STRN3: variants seen among roughly 807,000 people sequenced by gnomAD.
STRN3 encodes striatin 3.
STRN3 carries 29 observed loss-of-function variants against 95.6 expected under a neutral mutation model. The ratio of observed to expected loss-of-function variants is 0.30; its 90% CI spans 0.23 to 0.41. The LOEUF is 0.41. STRN3 is among the 10% of genes least tolerant of loss of function. The probability of loss-of-function intolerance (pLI) is 1.00; values close to 1 mark genes in which losing one functional copy is unlikely to be tolerated. For synonymous variants in STRN3, 331 were observed against 357.6 expected (o/e 0.93, Z 0.84); for missense variants, 890 against 972.1 (o/e 0.92, Z 1.12).
intron 1 of STRN3, among the ~76,000 whole-genome samples, chr14:30,984,755 C>T (rs1428715593): frequency 1.3e-5 from 2 of 151,874 alleles, no homozygotes; most frequent in Admixed American, 1.3e-4. Flanking sequence ...TCCACTCCAG[C>T]CTGGCGACAA....
intron 9 of STRN3, among the ~76,000 whole-genome samples, chr14:30,915,806 G>C (rs1011432900): frequency 6.6e-6 from 1 of 152,062 alleles, no homozygotes; most frequent in Admixed American, 6.5e-5. Context: ...TAACTTTAAC[G>C]TAACAAATGA....
At chr14:30,919,684 T>A (rs946497477) in intron 8 of STRN3, among the ~76,000 whole-genome samples, 1 of 152,170 alleles carries the variant, frequency 6.6e-6, no homozygotes, top group African/African-American at 2.4e-5. Context: ...AAAAATTTTT[T>A]CATTTTTCCC....
intron 1 of STRN3, among the ~76,000 whole-genome samples, chr14:31,023,188 T>C (rs1442853364): frequency 2.0e-5 from 3 of 152,240 alleles, no homozygotes; most frequent in Non-Finnish European, 2.9e-5. Flanking sequence ...TGCAGGCCTC[T>C]TATCCTCTGG....
chr14:30,906,784 G>A, intron 14 of STRN3, 93 bp downstream of exon 14: 1 of 1,264,910 alleles, frequency 7.9e-7, no homozygotes, highest in South Asian at 1.8e-5. Flanking sequence ...TATCTCTTTG[G>A]AACAGTAAAG....
chr14:31,010,036 A>G (rs1192127494), intron 1 of STRN3, among the ~76,000 whole-genome samples: 2 of 152,174 alleles, frequency 1.3e-5, no homozygotes, highest in African/African-American at 2.4e-5. Flanking sequence ...CCAGAAGGAC[A>G]AAGCTACAGT....
chr14:30,961,636 T>C (rs962869820), intron 1 of STRN3, among the ~76,000 whole-genome samples: 2 of 152,208 alleles, frequency 1.3e-5, no homozygotes. Context: ...CTACAGTTGA[T>C]TTACTATACA....
chr14:30,895,686 T>C lies in STRN3; in HGVS notation c.2200A>G (p.Asn734Asp). ...CTTCCAGACATCAAATAGATTCCAT[T>C]AGGATCTACTGCTAGACTTGTAACA... is the stretch of plus-strand genomic sequence containing the variant. ...DAVTSLAVDP[N>D]GIYLMSGSHD... Residue 734 changes from asparagine (N) to aspartate (D), a missense_variant, in exon 17 of 18, where the codon AAT becomes GAT. Asn to Asp is a conservative substitution (Grantham distance 23). Coordinates refer to ENST00000357479, the MANE Select transcript of STRN3 (RefSeq NM_001083893.2). The C allele has an allele frequency of 6.2e-7, 1 of 1,613,962 alleles. No individual in the cohort carries two copies. Among genetic ancestry groups the C allele is most frequent in the Non-Finnish European group, 8.5e-7 (1 of 1,179,968 alleles).
intron 1 of STRN3, among the ~76,000 whole-genome samples, chr14:30,985,154 T>C (rs902250353): frequency 1.1e-4 from 16 of 149,716 alleles, no homozygotes; most frequent in Non-Finnish European, 3.0e-5. Context: ...CCATTTCTAC[T>C]AAAAATACAA....
At chr14:30,975,623 T>C (rs1881063065) in intron 1 of STRN3, among the ~76,000 whole-genome samples, 1 of 149,554 alleles carries the variant, frequency 6.7e-6, no homozygotes, top group African/African-American at 2.5e-5. Flanking sequence ...AAAGAGGAAG[T>C]AGACTTGAAG....
chr14:30,914,107 A>T (rs6571367), intron 9 of STRN3, among the ~76,000 whole-genome samples: 1 of 152,144 alleles, frequency 6.6e-6, no homozygotes, highest in African/African-American at 2.4e-5. Context: ...ATAGGTTGTC[A>T]CCAAGTCCTT....
intron 5 of STRN3, 57 bp downstream of exon 5, chr14:30,947,033 A>C (rs1263139309): frequency 1.5e-6 from 2 of 1,302,460 alleles, no homozygotes; most frequent in African/African-American, 3.1e-5. Flanking sequence ...TAAAGAGATT[A>C]ACAATAACAA....
intron 1 of STRN3, among the ~76,000 whole-genome samples, chr14:31,024,662 C>A (rs1883698973): frequency 6.6e-6 from 1 of 152,086 alleles, no homozygotes; most frequent in African/African-American, 2.4e-5. Flanking sequence ...TAAAGAGATG[C>A]ATATTTGAGG....
At chr14:31,025,791 G>T in intron 1 of STRN3, 113 bp downstream of exon 1, 2 of 1,427,516 alleles carry the variant, frequency 1.4e-6, no homozygotes, top group Non-Finnish European at 1.9e-6. Flanking sequence ...AGCACAGGTA[G>T]GTTCCGCTCG....
chr14:30,901,819 A>G (rs1896323375), intron 16 of STRN3, among the ~76,000 whole-genome samples: 1 of 152,206 alleles, frequency 6.6e-6, no homozygotes, highest in South Asian at 2.1e-4. Flanking sequence ...AGGGAAGATG[A>G]TAATAAACAC....
chr14:30,904,412 A>C (rs1262310573), intron 15 of STRN3, among the ~76,000 whole-genome samples: 1 of 152,206 alleles, frequency 6.6e-6, no homozygotes, highest in Admixed American at 6.5e-5. Context: ...AGAGAGTATG[A>C]TGATACCAAA....
intron 10 of STRN3, 50 bp from the exon 11 acceptor site, chr14:30,912,232 G>C: frequency 6.5e-7 from 1 of 1,545,254 alleles, no homozygotes; most frequent in South Asian, 1.2e-5. Flanking sequence ...AAACTGGAAG[G>C]CATGTGGAGT....
intron 1 of STRN3, among the ~76,000 whole-genome samples, chr14:30,991,160 T>G (rs1320108289): frequency 6.6e-6 from 1 of 152,240 alleles, no homozygotes; most frequent in Non-Finnish European, 1.5e-5. Context: ...CCATTTGGTT[T>G]GAAGTTCCTA....
chr14:30,912,063 A>G lies in STRN3; in HGVS notation c.1494T>C (p.Ala498=). ...FHPVEPVLVT[A]SEDHTLKLWN... ...AAAGTTTCAGGGTATGGTCCTCAGA[A>G]GCAGTAACCAGCACAGGTTCTACAG... The change falls in exon 11 of 18, where the codon GCT becomes GCC. Residue 498 remains alanine (A), a synonymous_variant. Coordinates refer to ENST00000357479, the MANE Select transcript of STRN3 (RefSeq NM_001083893.2). 6.2e-7 allele frequency: 1 copy of G among 1,614,142 alleles called. No homozygotes were observed.
Position 30,950,904 on chromosome 14 carries a change from A to G in STRN3, c.501T>C (p.Asn167=). 6.2e-7 allele frequency: 1 copy of G among 1,613,956 alleles called. No individual in the cohort carries two copies. The highest frequency in any genetic ancestry group is 8.5e-7 in the Non-Finnish European group (1 of 1,179,958). The change falls in exon 4 of 18, where the codon AAT becomes AAC. Residue 167 remains asparagine (N), a synonymous_variant. Coordinates refer to ENST00000357479, the MANE Select transcript of STRN3 (RefSeq NM_001083893.2). Reference sequence around the variant, plus strand: ...TGCCTTGCTTCCACGTTAACTGGCTATTCTGAGGTGCTGTGGGAGCCTCTG... The same window carrying G: ...TGCCTTGCTTCCACGTTAACTGGCTGTTCTGAGGTGCTGTGGGAGCCTCTG... ...KDTEAPTAPQ[N]SQLTWKQGRQ...
Sources: allele counts gnomAD v4.1 joint callset (sites outside exome capture counted in the v4.1 genomes callset), GRCh38; gene constraint gnomAD v4.1.1; transcripts MANE v1.5; gene names NCBI Gene and HGNC (gene_info 2026-07-23, HGNC 2026-07-21).